The following UBE2W variants were observed in gnomAD, a reference collection of about 807,000 sequenced individuals.
UBE2W encodes the protein ubiquitin-conjugating enzyme E2 W.
Under a neutral mutation model 27.2 loss-of-function variants are expected in UBE2W, and 18 were observed. The observed-to-expected ratio is 0.66, with a 90% CI of 0.46 to 0.98. UBE2W has a LOEUF of 0.98. Among genes scored for constraint, UBE2W ranks in the 50% least tolerant of loss-of-function variants. The pLI is 0.00. For missense variants in UBE2W, 90 were observed against 180.2 expected (o/e 0.50, Z 2.87); for synonymous variants, 53 against 57.2 (o/e 0.93, Z 0.33).
rs1808036275 is a variant in UBE2W, at chr8:73,788,085, G to A, written c.*6017C>T. The A allele has an allele frequency of 1.6e-5, 16 of 984,196 alleles. No individual in the cohort carries two copies. The South Asian group carries it at 6.6e-4, about 40-fold the overall frequency. 61.0% of individuals were successfully genotyped at this position (984,196 alleles called of 1,614,324 possible). ...CTTTTACGTCATAAACCAAAAAGAG[G>A]TCTGGTATCTATCCCATTTAGTATT... On this transcript the variant is annotated 3_prime_UTR_variant, in exon 6 of 6. Coordinates refer to ENST00000602593, the MANE Select transcript of UBE2W (RefSeq NM_018299.6).
chr8:73,808,305 A>G (rs546451004), intron 4 of UBE2W, among the ~76,000 whole-genome samples: 17 of 152,268 alleles, frequency 1.1e-4, no homozygotes, highest in African/African-American at 3.8e-4. Context: ...GCGTGATATC[A>G]GCTTACTGCA....
At chr8:73,820,508 G>A (rs1326443816) in intron 3 of UBE2W, among the ~76,000 whole-genome samples, 6 of 151,856 alleles carry the variant, frequency 4.0e-5, no homozygotes, top group African/African-American at 7.3e-5. Context: ...AGGCCGAGGC[G>A]AGCAGATCAC....
At chr8:73,794,254 T>G (rs928425474) in intron 5 of UBE2W, 139 bp from the exon 6 acceptor site, 2 of 1,036,040 alleles carry the variant, frequency 1.9e-6, no homozygotes, top group African/African-American at 3.2e-5. Flanking sequence ...CCCAAACCTG[T>G]GAATACAAAG....
chr8:73,825,063 T>C (rs1016594787), intron 3 of UBE2W, 84 bp downstream of exon 3: 17 of 798,972 alleles, frequency 2.1e-5, no homozygotes, highest in Non-Finnish European at 3.4e-5. Context: ...GTATAACTGA[T>C]TTATATGTTT....
Position 73,823,848 on chromosome 8 carries a change from C to T in UBE2W, c.210+1299G>A, listed in dbSNP as rs150309252. 2.6e-5 allele frequency among the ~76,000 whole-genome samples: 4 copies of T among 152,262 alleles called. No individual in the cohort carries two copies. In the East Asian group the frequency reaches 5.8e-4, roughly 22 times the overall value. On this transcript the variant is annotated intron_variant, in intron 3 of 5. Transcript: ENST00000602593. ...TTATCTCTTTACTTATAGCATGATA[C>T]AATAACTGACTTTATCTCTTCTCTT...
intron 1 of UBE2W, among the ~76,000 whole-genome samples, chr8:73,877,379 T>A (rs1242145729): frequency 2.6e-5 from 4 of 152,194 alleles, no homozygotes; most frequent in African/African-American, 7.2e-5. Flanking sequence ...TGATATCTCT[T>A]CAACTAGAAA....
intron 2 of UBE2W, among the ~76,000 whole-genome samples, chr8:73,827,952 G>T (rs756680126): frequency 5.3e-5 from 8 of 152,254 alleles, no homozygotes; most frequent in Non-Finnish European, 1.0e-4. Context: ...GTTTTTGGGG[G>T]TATATTTCAT....
chr8:73,798,125 C>A (rs1384127631), intron 5 of UBE2W, among the ~76,000 whole-genome samples: 2 of 151,878 alleles, frequency 1.3e-5, no homozygotes, highest in Non-Finnish European at 2.9e-5. Context: ...CCATCTATAC[C>A]CCCCAACAAA....
At chr8:73,818,930 T>A (rs1809498436) in intron 3 of UBE2W, among the ~76,000 whole-genome samples, 1 of 152,192 alleles carries the variant, frequency 6.6e-6, no homozygotes, top group South Asian at 2.1e-4. Flanking sequence ...CAATTAAACC[T>A]CTTTTCTTTA....
At chr8:73,840,120 G>T (rs142753995) in intron 1 of UBE2W, among the ~76,000 whole-genome samples, 2 of 151,458 alleles carry the variant, frequency 1.3e-5, no homozygotes, top group African/African-American at 2.4e-5. Context: ...GCAGTGGTGC[G>T]ATCTCGGCTC....
chr8:73,798,484 G>C (rs1808512535), intron 5 of UBE2W, among the ~76,000 whole-genome samples: 1 of 152,004 alleles, frequency 6.6e-6, no homozygotes, highest in Admixed American at 6.6e-5. Flanking sequence ...TTCGAATAAG[G>C]GATATTCAAC....
chr8:73,795,880 A>C (rs968834560), intron 5 of UBE2W: 1 of 557,848 alleles, frequency 1.8e-6, no homozygotes, highest in African/African-American at 2.0e-5. Context: ...CCAGGAGTTC[A>C]AGACCAGCCT....
At chr8:73,833,013 C>T (rs1298190894) in intron 1 of UBE2W, among the ~76,000 whole-genome samples, 3 of 151,808 alleles carry the variant, frequency 2.0e-5, no homozygotes, top group African/African-American at 4.8e-5. Context: ...TATGGTGAAA[C>T]CCTACTAAAA....
chr8:73,870,930 A>G (rs1811985691), intron 1 of UBE2W, among the ~76,000 whole-genome samples: 1 of 152,004 alleles, frequency 6.6e-6, no homozygotes, highest in Non-Finnish European at 1.5e-5. Flanking sequence ...GGAGGACAAT[A>G]AGGCTACAGA....
At chr8:73,814,546 T>A (rs1044979466) in intron 3 of UBE2W, among the ~76,000 whole-genome samples, 1 of 151,958 alleles carries the variant, frequency 6.6e-6, no homozygotes, top group African/African-American at 2.4e-5. Context: ...TGAGATGGAG[T>A]CTCGCACTGT....
chr8:73,807,512 A>G (rs1171778241), intron 4 of UBE2W, among the ~76,000 whole-genome samples: 2 of 152,224 alleles, frequency 1.3e-5, no homozygotes, highest in African/African-American at 4.8e-5. Context: ...TAACAAAAAG[A>G]AACATTAGAG....
chr8:73,810,844 C>T (rs375024100), intron 3 of UBE2W, among the ~76,000 whole-genome samples: 1 of 152,044 alleles, frequency 6.6e-6, no homozygotes, highest in East Asian at 1.9e-4. Flanking sequence ...GGAAAAGATG[C>T]CAAATTATTT....
intron 1 of UBE2W, among the ~76,000 whole-genome samples, chr8:73,842,330 CATCCTGGCTTAACATGG>C (rs1810567535): frequency 6.6e-6 from 1 of 151,586 alleles, no homozygotes; most frequent in Non-Finnish European, 1.5e-5. Flanking sequence ...AGATTGAGAC[CATCCTGGCTTAACATGG>C]TGAAACCCTG....
In UBE2W at chr8:73,790,556, A is replaced by G; in HGVS notation, c.*3546T>C. The G allele has an allele frequency of 1.0e-6, 1 of 984,402 alleles. No homozygotes were observed. The allele number at this position is 984,402 out of a possible 1,614,324, so 61.0% of individuals were successfully genotyped here. ...ATTCAGCTAAGATATGTACAAAAAA[A>G]TTAATGAAAGTGAGATCAAGAAATA... On this transcript the variant is annotated 3_prime_UTR_variant, in exon 6 of 6. Transcript: ENST00000602593.
Sources: allele counts gnomAD v4.1 joint callset (sites outside exome capture counted in the v4.1 genomes callset), GRCh38; gene constraint gnomAD v4.1.1; transcripts MANE v1.5; gene names NCBI Gene and HGNC (gene_info 2026-07-23, HGNC 2026-07-21).